The following CFAP20DC variants were observed in gnomAD, a reference collection of about 807,000 sequenced individuals.
The protein encoded by CFAP20DC is protein CFAP20DC.
CFAP20DC carries 84 observed loss-of-function variants against 101.7 expected under a neutral mutation model. The observed-to-expected ratio is 0.83, with a 90% CI of 0.69 to 0.99. CFAP20DC has a LOEUF of 0.99. CFAP20DC is among the 50% of genes least tolerant of loss of function. The pLI is 0.00. For missense variants in CFAP20DC, 1,007 were observed against 970.3 expected, an observed-to-expected ratio of 1.04 and a Z score of -0.50; for synonymous variants, 359 against 351.2, an observed-to-expected ratio of 1.02 and a Z score of -0.25.
At position 58,799,819 on chromosome 3, in the gene CFAP20DC, A is replaced by G. The variant is rs1303930052; in HGVS notation, c.2237+6576T>C. On this transcript the variant is annotated intron_variant, in intron 15 of 16. Transcript: ENST00000482387. This position sits in a 1 kb window ranked among gnomAD's most constrained non-coding sequence, Gnocchi z 4.9. ...CAGTTAGTGGAATAATGTGATGAAA[A>G]CAAAAAAGATAATGTGCTAAAGGTG... 1.3e-5 allele frequency among the ~76,000 whole-genome samples: 2 copies of G among 152,058 alleles called. No homozygotes were observed. The highest frequency in any genetic ancestry group is 2.9e-5 in the Non-Finnish European group (2 of 68,014).
intron 14 of CFAP20DC, among the ~76,000 whole-genome samples, chr3:58,822,312 A>AAAACAAACAAAC (rs145291014): frequency 5.1e-5 from 7 of 138,392 alleles, no homozygotes; most frequent in African/African-American, 1.4e-4. Flanking sequence ...AAATCATGAA[A>AAAACAAACAAAC]AAACAAACAA....
intron 5 of CFAP20DC, among the ~76,000 whole-genome samples, chr3:58,933,349 A>G (rs1483542193): frequency 2.0e-5 from 3 of 151,532 alleles, no homozygotes; most frequent in Admixed American, 6.6e-5. Context: ...CACTGTCAAC[A>G]TTAGACAGAT....
chr3:59,029,369 A>G (rs535266611), intron 4 of CFAP20DC, among the ~76,000 whole-genome samples: 1 of 152,316 alleles, frequency 6.6e-6, no homozygotes, highest in South Asian at 2.1e-4. Context: ...TAGAAAAGGC[A>G]TAAGAGATGA....
chr3:58,921,961 A>C (rs1187500977), intron 5 of CFAP20DC, among the ~76,000 whole-genome samples: 1 of 152,224 alleles, frequency 6.6e-6, no homozygotes, highest in Non-Finnish European at 1.5e-5. Flanking sequence ...CTCTCATTAC[A>C]TAATATTCCT....
At position 58,892,171 on chromosome 3, in the gene CFAP20DC, T is replaced by C. The variant is rs184380269; in HGVS notation, c.551-7462A>G. Among the ~76,000 whole-genome samples, 26 of 152,382 alleles carry C rather than the reference T, an allele frequency of 1.7e-4. No individual in the cohort carries two copies. The Middle Eastern group carries it at 0.01, about 60-fold the overall frequency. On this transcript the variant is annotated intron_variant, in intron 6 of 16. Transcript: ENST00000482387. The surrounding 1 kb of genome is among the most constrained non-coding windows in gnomAD (Gnocchi z 4.0). ...TGTGTGGCCTTATTTCTAGGCTCTC[T>C]ATTCTCTTCCACTGGTCTATGTGCC...
intron 5 of CFAP20DC, among the ~76,000 whole-genome samples, chr3:58,924,477 T>TCA (rs1234304411): frequency 6.6e-6 from 1 of 152,202 alleles, no homozygotes; most frequent in South Asian, 2.1e-4. Context: ...AATCATCTGA[T>TCA]GATGGACACT....
At chr3:58,761,422 CT>C (rs1454720692) in intron 15 of CFAP20DC, among the ~76,000 whole-genome samples, 1 of 152,110 alleles carries the variant, frequency 6.6e-6, no homozygotes, top group African/African-American at 2.4e-5. Context: ...TGATTCTTCT[CT>C]GTTTTCTTCT....
intron 14 of CFAP20DC, among the ~76,000 whole-genome samples, chr3:58,819,065 C>G (rs1049118804): frequency 1.3e-4 from 20 of 149,892 alleles, no homozygotes; most frequent in African/African-American, 3.0e-4. Flanking sequence ...GAAATGAAGG[C>G]AGAAATAAAG....
chr3:58,764,609 T>C (rs2070084994), intron 15 of CFAP20DC, among the ~76,000 whole-genome samples: 1 of 152,206 alleles, frequency 6.6e-6, no homozygotes, highest in African/African-American at 2.4e-5. Flanking sequence ...GTCTTCTGCA[T>C]CGCTCACACT....
intron 4 of CFAP20DC, among the ~76,000 whole-genome samples, chr3:59,024,149 C>T (rs2093852243): frequency 6.6e-6 from 1 of 150,406 alleles, no homozygotes; most frequent in Non-Finnish European, 1.5e-5. Context: ...ATTCTGTCTC[C>T]CAAAAGAAGT....
intron 14 of CFAP20DC, among the ~76,000 whole-genome samples, chr3:58,807,864 C>T (rs1048166967): frequency 2.0e-5 from 3 of 152,050 alleles, no homozygotes; most frequent in African/African-American, 7.2e-5. Flanking sequence ...CAGAGAAGTG[C>T]TTAAAGGAGC....
chr3:58,740,400 C>G (rs1047721151), downstream of CFAP20DC, among the ~76,000 whole-genome samples: 2 of 152,154 alleles, frequency 1.3e-5, no homozygotes, highest in African/African-American at 2.4e-5. The surrounding 1 kb of genome is among the most constrained non-coding windows in gnomAD (Gnocchi z 4.6). Context: ...GAGCAGAGAC[C>G]TGAGGCAGAA....
chr3:59,020,751 G>A (rs761500085), intron 4 of CFAP20DC, among the ~76,000 whole-genome samples: 1 of 152,076 alleles, frequency 6.6e-6, no homozygotes, highest in African/African-American at 2.4e-5. Flanking sequence ...GTGTGGTTCT[G>A]ATGAGACTCT....
chr3:58,991,847 C>T (rs2092949212), intron 4 of CFAP20DC, among the ~76,000 whole-genome samples: 1 of 152,112 alleles, frequency 6.6e-6, no homozygotes, highest in South Asian at 2.1e-4. Flanking sequence ...TGGTCTGTGG[C>T]CCAGGGCTCG....
intron 4 of CFAP20DC, among the ~76,000 whole-genome samples, chr3:58,978,101 C>T (rs1346008494): frequency 6.6e-6 from 1 of 152,098 alleles, no homozygotes; most frequent in Non-Finnish European, 1.5e-5. Context: ...CTCTTTGTTC[C>T]TGGGTGGAGC....
chr3:58,870,434 T>A, intron 7 of CFAP20DC, 125 bp from the exon 8 acceptor site: 1 of 872,204 alleles, frequency 1.1e-6, no homozygotes, highest in Non-Finnish European at 1.8e-6. Context: ...CCCCTCAGCA[T>A]GTATTAAAAA....
At chr3:58,763,592 C>T (rs965853668) in intron 15 of CFAP20DC, among the ~76,000 whole-genome samples, 4 of 152,196 alleles carry the variant, frequency 2.6e-5, no homozygotes, top group African/African-American at 9.7e-5. Context: ...AAGCTGCATT[C>T]CTTTAGAGGA....
chr3:58,847,674 C>T (rs2077799445), intron 13 of CFAP20DC, among the ~76,000 whole-genome samples: 1 of 149,502 alleles, frequency 6.7e-6, no homozygotes, highest in Admixed American at 6.7e-5. Flanking sequence ...TGGGTATATA[C>T]CCAAAGGACT....
intron 6 of CFAP20DC, among the ~76,000 whole-genome samples, chr3:58,896,800 T>C (rs2082701017): frequency 1.3e-5 from 2 of 152,172 alleles, no homozygotes; most frequent in Admixed American, 1.3e-4. Context: ...GTTTTACTTC[T>C]GATTTATGTG....
Sources: allele counts gnomAD v4.1 joint callset (sites outside exome capture counted in the v4.1 genomes callset), GRCh38; gene constraint gnomAD v4.1.1; non-coding constraint Gnocchi (gnomAD v3.1); transcripts MANE v1.5; gene names NCBI Gene and HGNC (gene_info 2026-07-23, HGNC 2026-07-21).